NPAS1: variants seen among roughly 807,000 people sequenced by gnomAD.
NPAS1 encodes the protein neuronal PAS domain protein 1, also known as neuronal PAS domain-containing protein 1.
In NPAS1, 29 loss-of-function variants were observed where a neutral mutation model predicts 49.2. That is an observed-to-expected ratio of 0.59 (90% confidence interval 0.44 to 0.80). The LOEUF is 0.80. Ranked by LOEUF, NPAS1 falls within the 30% of genes least tolerant of loss-of-function variation. NPAS1 has a pLI of 0.00. For missense variants in NPAS1, 825 were observed against 835.5 expected (o/e 0.99, Z 0.15); for synonymous variants, 408 against 380.4 (o/e 1.07, Z -0.84).
intron 3 of NPAS1, among the ~76,000 whole-genome samples, chr19:47,028,080 C>G (rs1482688917): frequency 6.6e-6 from 1 of 151,680 alleles, no homozygotes; most frequent in Non-Finnish European, 1.5e-5. Context: ...GGTCCCCAAG[C>G]CCCCCCACCA....
In NPAS1 at chr19:47,021,175, C is replaced by T; in HGVS notation, c.122+6C>T. On this transcript the variant is annotated splice_donor_region_variant and intron_variant, in intron 2 of 11. Transcript: ENST00000602212. This position sits in a 1 kb window ranked among gnomAD's most constrained non-coding sequence, Gnocchi z 5.7. Reference sequence around the variant, plus strand: ...AAGGCGCCGTCCGGACCGTGGTGAGCAAAGCCCCGCCCCCCTGGCCGCGGG... The same window carrying T: ...AAGGCGCCGTCCGGACCGTGGTGAGTAAAGCCCCGCCCCCCTGGCCGCGGG... 1 of 1,554,370 alleles carries T rather than the reference C, an allele frequency of 6.4e-7. No homozygotes were observed.
chr19:47,045,532 G>A lies in NPAS1; in HGVS notation c.1654G>A (p.Val552Met), dbSNP rs773886421. ...CTACGGCCCCGCGGAGCTGGGCCTG[G>A]TGTACCCGCACCTGCAGAGGCTGGG... ...IRYGPAELGL[V>M]YPHLQRLGPG... Residue 552 changes from valine to methionine, a missense_variant, in exon 12 of 12, where the codon GTG (valine) becomes ATG (methionine). Physicochemically the swap from Val to Met is conservative, Grantham distance 21 (BLOSUM62 1). Transcript: ENST00000602212. 4.6e-6 allele frequency: 7 copies of A among 1,530,888 alleles called. 1 individual carries two copies. Among genetic ancestry groups the A allele is most frequent in the Non-Finnish European group, 8.7e-7 (1 of 1,145,542 alleles). 94.8% of individuals were successfully genotyped at this position (1,530,888 alleles called of 1,614,324 possible). A position where few individuals can be genotyped will look rare whatever the true frequency, so the allele number is the denominator to read the frequency against.
intron 7 of NPAS1, 127 bp from the exon 8 acceptor site, chr19:47,039,280 T>TG (rs142360956): frequency 0.016 from 24,004 of 1,477,012 alleles, 305 homozygotes; most frequent in South Asian, 0.042. Context: ...GGAATGGGAC[T>TG]GGGGGGGTCA....
chr19:47,023,177 C>T (rs977624290), intron 3 of NPAS1, among the ~76,000 whole-genome samples: 4 of 152,138 alleles, frequency 2.6e-5, no homozygotes. Flanking sequence ...GGAGAGAATG[C>T]GGCATTAGCG....
rs1410748216 is a variant in NPAS1 at position 47,035,853 on chromosome 19, C to T, written c.523-111C>T. The T allele has an allele frequency of 9.1e-6, 10 of 1,097,292 alleles. No individual in the cohort carries two copies. The Admixed American group carries it at 2.8e-4, about 31-fold the overall frequency. 68.0% of individuals were successfully genotyped at this position (1,097,292 alleles called of 1,614,324 possible). On this transcript the variant is annotated intron_variant, in intron 5 of 11. Coordinates refer to ENST00000602212, the MANE Select transcript of NPAS1 (RefSeq NM_002517.4). ...TTCTTTTCTTAAAAAAACACACTGG[C>T]ATGAAGCGCACCTGCGTGCAGGCAA...
intron 5 of NPAS1, among the ~76,000 whole-genome samples, chr19:47,034,769 C>T (rs1158060636): frequency 3.3e-5 from 5 of 151,852 alleles, no homozygotes; most frequent in East Asian, 1.9e-4. Context: ...CCAGCTACTC[C>T]AGAGGCTGAG....
At chr19:47,027,921 G>A (rs539870020) in intron 3 of NPAS1, among the ~76,000 whole-genome samples, 4 of 152,286 alleles carry the variant, frequency 2.6e-5, no homozygotes, top group Admixed American at 2.6e-4. Context: ...ATTTTGAGGG[G>A]AGAGGGAGAG....
chr19:47,038,955 C>A, intron 6 of NPAS1, 81 bp from the exon 7 acceptor site: 2 of 1,200,266 alleles, frequency 1.7e-6, no homozygotes, highest in Non-Finnish European at 2.5e-6. Context: ...GTGTCTATGT[C>A]CGGCTGGCTC....
chr19:47,027,305 G>GATCCC, intron 3 of NPAS1, among the ~76,000 whole-genome samples: 1 of 139,884 alleles, frequency 7.1e-6, no homozygotes, highest in Non-Finnish European at 1.6e-5. Context: ...AGAGGCCTTG[G>GATCCC]CTTCTGCCTT....
At chr19:47,039,625 T>C in intron 8 of NPAS1, 61 bp downstream of exon 8, 1 of 1,502,916 alleles carries the variant, frequency 6.7e-7, no homozygotes, top group Middle Eastern at 1.9e-4. Flanking sequence ...TGGGGGTACA[T>C]GGGGAGTCAG....
intron 5 of NPAS1, 49 bp from the exon 6 acceptor site, chr19:47,035,914 AC>A (rs2056948974): frequency 6.8e-7 from 1 of 1,461,120 alleles, no homozygotes; most frequent in African/African-American, 1.4e-5. Context: ...CGAGCGAGTT[AC>A]TGCGCGCGCA....
chr19:47,030,273 C>T (rs1271745542), intron 3 of NPAS1, among the ~76,000 whole-genome samples: 1 of 152,180 alleles, frequency 6.6e-6, no homozygotes, highest in Non-Finnish European at 1.5e-5. Flanking sequence ...CCACCCGCCT[C>T]GGCCTCCCAA....
chr19:47,042,447 G>A (rs1195576584), intron 10 of NPAS1, among the ~76,000 whole-genome samples: 1 of 152,200 alleles, frequency 6.6e-6, no homozygotes, highest in East Asian at 1.9e-4. Flanking sequence ...AGGAGGGGAG[G>A]AGACCATCTT....
chr19:47,035,152 G>A (rs2056939563), intron 5 of NPAS1, among the ~76,000 whole-genome samples: 1 of 150,652 alleles, frequency 6.6e-6, no homozygotes, highest in Non-Finnish European at 1.5e-5. Flanking sequence ...TTGCACTCCA[G>A]CCTGGGCAAC....
At chr19:47,033,249 T>A in intron 5 of NPAS1, among the ~76,000 whole-genome samples, 1 of 147,064 alleles carries the variant, frequency 6.8e-6, no homozygotes, top group Non-Finnish European at 1.5e-5. Context: ...GGGCTATTTT[T>A]TTTTTTTTGA....
chr19:47,036,138 A>C lies in NPAS1; in HGVS notation c.688+9A>C, dbSNP rs771378757. On this transcript the variant is annotated intron_variant, in intron 6 of 11. Transcript: ENST00000602212. ...AGATACCCCCGAGATCGGTAATTCTAAGGGCTCCTAAAGAATGAAGTCTGA... is the reference window on the plus strand; with the variant it reads ...AGATACCCCCGAGATCGGTAATTCTCAGGGCTCCTAAAGAATGAAGTCTGA... 2.4e-5 allele frequency: 38 copies of C among 1,552,718 alleles called. No homozygotes were observed. Among genetic ancestry groups the C allele is most frequent in the Middle Eastern group, 1.7e-4 (1 of 5,992 alleles).
intron 5 of NPAS1, 82 bp from the exon 6 acceptor site, chr19:47,035,882 A>G (rs972649191): frequency 5.4e-5 from 76 of 1,397,396 alleles, no homozygotes; most frequent in Non-Finnish European, 8.5e-6. Context: ...CAGGCAAATG[A>G]GGCAAGGCTG....
chr19:47,038,334 T>G (rs2056981762), intron 6 of NPAS1, among the ~76,000 whole-genome samples: 1 of 152,180 alleles, frequency 6.6e-6, no homozygotes, highest in East Asian at 1.9e-4. Flanking sequence ...CTGGCCAACA[T>G]GGCGATACCC....
chr19:47,040,910 A>G, intron 9 of NPAS1, 68 bp from the exon 10 acceptor site: 1 of 1,324,212 alleles, frequency 7.6e-7, no homozygotes, highest in Non-Finnish European at 1.0e-6. Flanking sequence ...CCTCCTGTCT[A>G]CCTGGCTCTC....
Sources: gnomAD v4.1 joint callset for allele counts (sites outside exome capture counted in the v4.1 genomes callset) on GRCh38, gnomAD v4.1.1 for gene constraint, Gnocchi (gnomAD v3.1) non-coding constraint, MANE v1.5 for transcripts, NCBI Gene and HGNC (gene_info 2026-07-23, HGNC 2026-07-21) for gene names.